IFT74: variants seen among roughly 807,000 people sequenced by gnomAD.
The protein encoded by IFT74 is intraflagellar transport 74.
IFT74 carries 92 observed loss-of-function variants against 96.7 expected under a neutral mutation model. The ratio of observed to expected loss-of-function variants is 0.95; its 90% CI spans 0.80 to 1.13. The LOEUF is 1.13. IFT74 is among the 50% of genes most tolerant of loss of function. The pLI is 0.00. For synonymous variants in IFT74, 223 were observed against 213.2 expected (o/e 1.05, Z -0.40); for missense variants, 811 against 698.2 (o/e 1.16, Z -1.82).
intron 10 of IFT74, among the ~76,000 whole-genome samples, chr9:27,015,540 G>A (rs1829298085): frequency 6.6e-6 from 1 of 152,138 alleles, no homozygotes; most frequent in South Asian, 2.1e-4. Context: ...GGGAGGCTGA[G>A]GCAGGAGAAT....
intron 6 of IFT74, 45 bp downstream of exon 6, chr9:26,984,604 A>G (rs1827554364): frequency 7.0e-7 from 1 of 1,434,084 alleles, no homozygotes; most frequent in Non-Finnish European, 9.8e-7. Flanking sequence ...TATTTTCATT[A>G]GTTTTTACTA....
intron 14 of IFT74, among the ~76,000 whole-genome samples, chr9:27,046,862 A>G (rs1455646085): frequency 6.6e-6 from 1 of 152,220 alleles, no homozygotes; most frequent in Non-Finnish European, 1.5e-5. Context: ...TAACAAATTA[A>G]ACAGTGGCAG....
At chr9:27,060,711 C>A in intron 19 of IFT74, 60 bp downstream of exon 19, 1 of 1,253,386 alleles carries the variant, frequency 8.0e-7, no homozygotes. Flanking sequence ...ATAGTCCCAA[C>A]ACTTTGGGAG....
At chr9:27,020,018 C>A (rs1829522366) in intron 12 of IFT74, among the ~76,000 whole-genome samples, 1 of 151,186 alleles carries the variant, frequency 6.6e-6, no homozygotes, top group African/African-American at 2.4e-5. Context: ...GTTTGTCGCC[C>A]AGGCTGGAAT....
chr9:26,953,739 G>GGCCCTCGTGACCCTCCT (rs1826002638), upstream of IFT74, among the ~76,000 whole-genome samples: 1 of 151,940 alleles, frequency 6.6e-6, no homozygotes. Context: ...TTGAACTCCT[G>GGCCCTCGTGACCCTCCT]GCCTTAGTGA....
chr9:26,973,159 A>G (rs961179663), intron 2 of IFT74, among the ~76,000 whole-genome samples: 9 of 152,300 alleles, frequency 5.9e-5, no homozygotes, highest in Non-Finnish European at 8.8e-5. Context: ...CTTCAAATCT[A>G]TTACTGTGAA....
At position 26,988,750 on chromosome 9, in the gene IFT74, A is replaced by G. The variant is rs758625426; in HGVS notation, c.525+22A>G. The G allele has an allele frequency of 4.0e-6, 6 of 1,505,240 alleles. No individual in the cohort carries two copies. The South Asian group carries it at 5.9e-5, about 15-fold the overall frequency. The allele number at this position is 1,505,240 out of a possible 1,614,324, so 93.2% of individuals were successfully genotyped here. A position where few individuals can be genotyped will look rare whatever the true frequency, so the allele number is the denominator to read the frequency against. ...TATGGTAAGAAAATTTATAAAAGCA[A>G]ATTGATCTATGTAAGTCATATCCTA... is the stretch of plus-strand genomic sequence containing the variant. On this transcript the variant is annotated intron_variant, in intron 7 of 19. Coordinates refer to ENST00000380062, the MANE Select transcript of IFT74 (RefSeq NM_025103.4).
At chr9:26,986,063 C>T (rs1827619787) in intron 6 of IFT74, among the ~76,000 whole-genome samples, 1 of 152,018 alleles carries the variant, frequency 6.6e-6, no homozygotes, top group South Asian at 2.1e-4. Context: ...TTTTCTAACT[C>T]TTTAGTTGCT....
chr9:27,056,292 C>T, intron 17 of IFT74, 42 bp from the exon 18 acceptor site: 1 of 1,409,132 alleles, frequency 7.1e-7, no homozygotes, highest in Non-Finnish European at 9.8e-7. Context: ...TGGCTTACTA[C>T]ATATTTTCTA....
At chr9:26,997,712 A>T in intron 8 of IFT74, 1 of 1,570,790 alleles carries the variant, frequency 6.4e-7, no homozygotes, top group Non-Finnish European at 8.6e-7. Flanking sequence ...GGTTTTGCTT[A>T]ATTATGATAG....
At chr9:26,979,405 G>A (rs1263802481) in intron 3 of IFT74, among the ~76,000 whole-genome samples, 1 of 152,050 alleles carries the variant, frequency 6.6e-6, no homozygotes, top group Non-Finnish European at 1.5e-5. Flanking sequence ...TTTATCAAAT[G>A]TTTATTTCTG....
At chr9:27,012,420 C>T (rs1249345675) in intron 10 of IFT74, among the ~76,000 whole-genome samples, 2 of 151,758 alleles carry the variant, frequency 1.3e-5, no homozygotes, top group Admixed American at 1.3e-4. Flanking sequence ...AAGACAGGGT[C>T]TCGTTATGGC....
At chr9:27,013,897 T>C (rs1829224664) in intron 10 of IFT74, among the ~76,000 whole-genome samples, 1 of 152,176 alleles carries the variant, frequency 6.6e-6, no homozygotes, top group Admixed American at 6.5e-5. Flanking sequence ...GAATTTGCTA[T>C]TGAAAAAGTT....
intron 13 of IFT74, among the ~76,000 whole-genome samples, chr9:27,034,374 T>A (rs1273793733): frequency 6.6e-6 from 1 of 152,182 alleles, no homozygotes; most frequent in African/African-American, 2.4e-5. Flanking sequence ...TTCAAAGTAG[T>A]AAAATAACAA....
chr9:26,962,871 A>G (rs913783750), intron 2 of IFT74, among the ~76,000 whole-genome samples: 10 of 151,916 alleles, frequency 6.6e-5, no homozygotes, highest in African/African-American at 2.4e-4. Flanking sequence ...AACATTTATA[A>G]TATATATACC....
chr9:27,047,372 G>T lies in IFT74; in HGVS notation c.1206+1G>T. 1 of 1,588,696 alleles carries T rather than the reference G, an allele frequency of 6.3e-7. No individual in the cohort carries two copies. Among genetic ancestry groups the T allele is most frequent in the Non-Finnish European group, 8.6e-7 (1 of 1,159,780 alleles). On this transcript the variant is annotated splice_donor_variant, in intron 15 of 19. Coordinates refer to ENST00000380062, the MANE Select transcript of IFT74 (RefSeq NM_025103.4). LOFTEE classifies it high-confidence loss of function. ...TGCACTCTTGGAGCACTGCAGTCGA[G>T]TGAGTACCATGTGCCTGTCTTGGTG...
intron 1 of IFT74, among the ~76,000 whole-genome samples, chr9:26,948,199 G>T (rs934675969): frequency 1.3e-5 from 2 of 152,004 alleles, no homozygotes; most frequent in African/African-American, 4.8e-5. Flanking sequence ...CTCCCTGGGT[G>T]GATTATTTAC....
At chr9:26,950,310 C>CAAA (rs768360968) in intron 1 of IFT74, among the ~76,000 whole-genome samples, 21 of 124,426 alleles carry the variant, frequency 1.7e-4, no homozygotes, top group South Asian at 7.6e-4. Flanking sequence ...GACTCTGTCT[C>CAAA]AAAAAAAAAA....
At chr9:27,060,471 A>G (rs1491004171) in intron 18 of IFT74, 120 bp from the exon 19 acceptor site, 1 of 513,820 alleles carries the variant, frequency 1.9e-6, no homozygotes, top group Admixed American at 3.5e-5. Flanking sequence ...CTTTATCTCA[A>G]TAAAATGTAA....
Sources: allele counts gnomAD v4.1 joint callset (sites outside exome capture counted in the v4.1 genomes callset), GRCh38; gene constraint gnomAD v4.1.1; transcripts MANE v1.5; gene names NCBI Gene and HGNC (gene_info 2026-07-23, HGNC 2026-07-21).